Variants in ZNF695 observed in about 807,000 individuals in gnomAD.
ZNF695 encodes zinc finger protein 695, also known as zinc finger protein SBZF3.
Under a neutral mutation model 11.2 loss-of-function variants are expected in ZNF695, and 11 were observed. The ratio of observed to expected loss-of-function variants is 0.98; its 90% CI spans 0.62 to 1.62. The LOEUF is 1.62. ZNF695 is among the 40% of genes most tolerant of loss of function. The pLI, the probability that ZNF695 is intolerant of heterozygous loss-of-function variation, is 0.00. For missense variants in ZNF695, 559 were observed against 590.5 expected (o/e 0.95, Z 0.55); for synonymous variants, 190 against 201.4 (o/e 0.94, Z 0.48).
chr1:246,966,479 C>A (rs1311878906), intron 5 of ZNF695, among the ~76,000 whole-genome samples: 1 of 151,310 alleles, frequency 6.6e-6, no homozygotes, highest in African/African-American at 2.4e-5. Flanking sequence ...AGACTCCATC[C>A]CCCCACCAAA....
chr1:246,966,092 T>C (rs1447220397), intron 5 of ZNF695, among the ~76,000 whole-genome samples: 3 of 151,806 alleles, frequency 2.0e-5, no homozygotes, highest in Non-Finnish European at 4.4e-5. Flanking sequence ...AAGAGAAAAG[T>C]TAAGAATAAG....
chr1:246,991,154 T>C (rs985937573), intron 3 of ZNF695, among the ~76,000 whole-genome samples: 1 of 151,786 alleles, frequency 6.6e-6, no homozygotes, highest in Admixed American at 6.6e-5. Flanking sequence ...AAAAGATCAA[T>C]GAAACAAAAA....
Position 247,002,583 on chromosome 1 carries a change from C to T in ZNF695, c.4-2509G>A, listed in dbSNP as rs547472318. Among the ~76,000 whole-genome samples, 25 of 152,252 alleles carry T rather than the reference C, an allele frequency of 1.6e-4. No homozygotes were observed. In the South Asian group the frequency reaches 4.8e-3, roughly 29 times the overall value. Reference sequence around the variant, plus strand: ...GGCAGATCACCTGAGGTCAGGAGTTCGAGACCGGCCTGGCCAACATGGCGA... The same window carrying T: ...GGCAGATCACCTGAGGTCAGGAGTTTGAGACCGGCCTGGCCAACATGGCGA... On this transcript the variant is annotated intron_variant, in intron 1 of 3. Coordinates refer to ENST00000339986, the MANE Select transcript of ZNF695 (RefSeq NM_020394.5).
At chr1:246,948,995 A>G (rs1443249238) in intron 5 of ZNF695, among the ~76,000 whole-genome samples, 2 of 152,174 alleles carry the variant, frequency 1.3e-5, no homozygotes, top group African/African-American at 4.8e-5. Flanking sequence ...GATGAATATT[A>G]GTTTCCTTTT....
chr1:246,966,824 T>A, intron 5 of ZNF695: 1 of 456,574 alleles, frequency 2.2e-6, no homozygotes, highest in South Asian at 1.5e-5. Flanking sequence ...TGTGGGGAGG[T>A]CCTGTGAGCC....
At chr1:246,978,193 G>A (rs1053428646) in intron 4 of ZNF695, among the ~76,000 whole-genome samples, 1 of 152,164 alleles carries the variant, frequency 6.6e-6, no homozygotes, top group African/African-American at 2.4e-5. Context: ...ATTGTGCACT[G>A]GAACAGGGTG....
intron 5 of ZNF695, among the ~76,000 whole-genome samples, chr1:246,949,343 C>T (rs1307119082): frequency 6.6e-6 from 1 of 152,110 alleles, no homozygotes; most frequent in Non-Finnish European, 1.5e-5. Flanking sequence ...GTAACCCCCA[C>T]ACTTTGGGCG....
chr1:246,959,666 T>A (rs1558304660), intron 5 of ZNF695, among the ~76,000 whole-genome samples: 1 of 152,090 alleles, frequency 6.6e-6, no homozygotes, highest in Non-Finnish European at 1.5e-5. Flanking sequence ...GACCTCGTGA[T>A]CCACCAGCCT....
At chr1:246,955,071 T>G (rs922787227) in intron 5 of ZNF695, among the ~76,000 whole-genome samples, 6 of 152,154 alleles carry the variant, frequency 3.9e-5, no homozygotes, top group African/African-American at 1.4e-4. Flanking sequence ...CATACAGTTC[T>G]CACGACAGTG....
intron 3 of ZNF695, among the ~76,000 whole-genome samples, chr1:246,995,475 G>A (rs12097779): frequency 0.21 from 31,285 of 152,078 alleles, 4,056 homozygotes; most frequent in African/African-American, 0.35. Context: ...AAGGAACCAT[G>A]AAGAGCGCAA....
intron 1 of ZNF695, among the ~76,000 whole-genome samples, chr1:247,006,570 A>G (rs1463220266): frequency 6.6e-6 from 1 of 152,256 alleles, no homozygotes; most frequent in African/African-American, 2.4e-5. Flanking sequence ...AGATTGTGCC[A>G]CTGCACTTCA....
rs1668821236 is a variant in ZNF695 at position 246,985,403 on chromosome 1, T to C, written c.*1564A>G. On this transcript the variant is annotated 3_prime_UTR_variant, in exon 4 of 4. Transcript: ENST00000339986. ...ACAAAAAGAGCAAACAGAATGAAGG[T>C]GTAACGTGTGGGAACAATATTTTTC... The C allele has an allele frequency of 1.0e-6, 1 of 985,150 alleles. No individual in the cohort carries two copies. The highest frequency in any genetic ancestry group is 1.1e-4 in the East Asian group (1 of 8,818). 61.0% of individuals were successfully genotyped at this position (985,150 alleles called of 1,614,324 possible).
Position 247,008,034 on chromosome 1 carries a change from C to T in ZNF695, c.-126G>A, listed in dbSNP as rs61852608. On this transcript the variant is annotated 5_prime_UTR_variant, in exon 1 of 4. Transcript: ENST00000339986. ...GAGGCAGCAGACGGGAACCCAGCACCCCGCCGGCCGCAAGGAGACAAAGGC... is the reference window on the plus strand; with the variant it reads ...GAGGCAGCAGACGGGAACCCAGCACTCCGCCGGCCGCAAGGAGACAAAGGC... 0.086 allele frequency: 96,471 copies of T among 1,119,016 alleles called. 4,888 individuals are homozygous for T. Among genetic ancestry groups the T allele is most frequent in the South Asian group, 0.2 (6,888 of 34,684 alleles). 69.3% of individuals were successfully genotyped at this position (1,119,016 alleles called of 1,614,324 possible). A position where few individuals can be genotyped will look rare whatever the true frequency, so the allele number is the denominator to read the frequency against.
chr1:246,975,243 C>CATAA (rs1267432689), intron 4 of ZNF695, among the ~76,000 whole-genome samples: 1 of 152,104 alleles, frequency 6.6e-6, no homozygotes, highest in African/African-American at 2.4e-5. Flanking sequence ...GTACTGCATT[C>CATAA]ATAAATAAAT....
At chr1:246,988,528 A>G (rs1668925158) in intron 3 of ZNF695, among the ~76,000 whole-genome samples, 1 of 152,200 alleles carries the variant, frequency 6.6e-6, no homozygotes, top group South Asian at 2.1e-4. Flanking sequence ...CTTACAGGCC[A>G]GGAGAGAGTG....
chr1:246,998,996 AT>A (rs1195570259), intron 3 of ZNF695, among the ~76,000 whole-genome samples: 2 of 3,968 alleles, frequency 5.0e-4, no homozygotes, highest in Non-Finnish European at 1.2e-3. Context: ...ATATATATAT[AT>A]ATATATATAT....
chr1:246,980,195 A>AC (rs1331600705), intron 4 of ZNF695, among the ~76,000 whole-genome samples: 58 of 151,000 alleles, frequency 3.8e-4, no homozygotes, highest in African/African-American at 1.3e-3. Context: ...AAAAAAAAAA[A>AC]AAAAAAAAAC....
At chr1:246,996,472 A>C (rs1035038392) in intron 3 of ZNF695, among the ~76,000 whole-genome samples, 4 of 152,248 alleles carry the variant, frequency 2.6e-5, no homozygotes, top group African/African-American at 9.6e-5. Context: ...ACAAAGCAGG[A>C]AATCTGGTAA....
At chr1:246,957,278 G>A (rs1219267166) in intron 5 of ZNF695, among the ~76,000 whole-genome samples, 1 of 151,926 alleles carries the variant, frequency 6.6e-6, no homozygotes, top group Admixed American at 6.6e-5. Context: ...AGCTACTCGG[G>A]AGGCTGAGGC....
Sources: gnomAD v4.1 joint callset for allele counts (sites outside exome capture counted in the v4.1 genomes callset) on GRCh38, gnomAD v4.1.1 for gene constraint, MANE v1.5 for transcripts, NCBI Gene and HGNC (gene_info 2026-07-23, HGNC 2026-07-21) for gene names.